CYYR1: variants seen among roughly 807,000 people sequenced by gnomAD.
CYYR1 encodes cysteine and tyrosine-rich protein 1.
CYYR1 carries 14 observed loss-of-function variants against 15.2 expected under a neutral mutation model. The ratio of observed to expected loss-of-function variants is 0.92; its 90% confidence interval spans 0.61 to 1.44. The LOEUF (loss-of-function observed/expected upper bound fraction) is 1.44. CYYR1 is among the 40% of genes most tolerant of loss of function. CYYR1 has a pLI of 0.00. For synonymous variants in CYYR1, 80 were observed against 77.4 expected, an observed-to-expected ratio of 1.03 and a Z score of -0.18; for missense variants, 228 against 209.5, an observed-to-expected ratio of 1.09 and a Z score of -0.54.
intron 2 of CYYR1, among the ~76,000 whole-genome samples, chr21:26,532,009 T>C (rs189951886): frequency 6.6e-6 from 1 of 152,220 alleles, no homozygotes; most frequent in East Asian, 1.9e-4. Flanking sequence ...GTGATGATGA[T>C]GAACAAGGTG....
At chr21:26,519,282 A>T (rs920113124) in intron 2 of CYYR1, among the ~76,000 whole-genome samples, 9 of 152,228 alleles carry the variant, frequency 5.9e-5, no homozygotes, top group African/African-American at 1.9e-4. Context: ...GTCAGAAGCT[A>T]TAAAATTGTA....
chr21:26,524,637 C>G (rs2065842199), intron 2 of CYYR1, among the ~76,000 whole-genome samples: 1 of 147,748 alleles, frequency 6.8e-6, no homozygotes, highest in Non-Finnish European at 1.5e-5. Flanking sequence ...TTAGTAATGT[C>G]TTGCCCTTCT....
At chr21:26,504,014 A>G (rs1601762760) in intron 2 of CYYR1, among the ~76,000 whole-genome samples, 1 of 152,180 alleles carries the variant, frequency 6.6e-6, no homozygotes, top group African/African-American at 2.4e-5. Context: ...CAGAAATTCA[A>G]TAAATGGCAT....
At chr21:26,514,059 A>G (rs1324522468) in intron 2 of CYYR1, among the ~76,000 whole-genome samples, 1 of 84,020 alleles carries the variant, frequency 1.2e-5, no homozygotes, top group Non-Finnish European at 2.3e-5. Flanking sequence ...AACTTGAAGT[A>G]TAATAATAAA....
intron 2 of CYYR1, among the ~76,000 whole-genome samples, chr21:26,545,311 TA>T (rs34664372): frequency 0.81 from 123,622 of 152,032 alleles, 50,413 homozygotes; most frequent in South Asian, 0.9. Context: ...GTGGCTGACT[TA>T]AGTCATTTTG....
intron 3 of CYYR1, among the ~76,000 whole-genome samples, chr21:26,470,352 G>GT (rs1429072952): frequency 1.3e-5 from 2 of 152,144 alleles, no homozygotes; most frequent in Non-Finnish European, 2.9e-5. Context: ...AAAAAACTAT[G>GT]TTTTTGATAT....
chr21:26,488,230 A>G (rs112670798), intron 2 of CYYR1, among the ~76,000 whole-genome samples: 1,524 of 137,154 alleles, frequency 0.011, 28 homozygotes, highest in African/African-American at 0.039. Context: ...TAAAGACTAC[A>G]TCTTCCCCTA....
At chr21:26,538,063 C>T (rs879572610) in intron 2 of CYYR1, among the ~76,000 whole-genome samples, 2 of 152,314 alleles carry the variant, frequency 1.3e-5, no homozygotes, top group African/African-American at 2.4e-5. Context: ...GAGTAGCGAT[C>T]ACCACGGAGA....
At chr21:26,480,486 T>C in intron 2 of CYYR1, 57 bp from the exon 3 acceptor site, 3 of 1,517,554 alleles carry the variant, frequency 2.0e-6, no homozygotes, top group Non-Finnish European at 2.7e-6. Flanking sequence ...CTTTAGACTT[T>C]CTAGTAGAGC....
intron 2 of CYYR1, among the ~76,000 whole-genome samples, chr21:26,512,637 C>T (rs190510204): frequency 6.6e-6 from 1 of 152,168 alleles, no homozygotes; most frequent in Non-Finnish European, 1.5e-5. Flanking sequence ...AGAAGAGTAA[C>T]ATTTTGTGAA....
At chr21:26,488,982 C>A (rs2123434075) in intron 2 of CYYR1, among the ~76,000 whole-genome samples, 1 of 152,252 alleles carries the variant, frequency 6.6e-6, no homozygotes, top group Middle Eastern at 3.4e-3. Flanking sequence ...CCAACCTAAT[C>A]TTACCTAATA....
rs1311140413 is a variant in CYYR1, at chr21:26,573,070, C to G, written c.-130G>C. 5.8e-6 allele frequency: 9 copies of G among 1,556,522 alleles called. No homozygotes were observed. The African/African-American group carries it at 1.1e-4, about 19-fold the overall frequency. On this transcript the variant is annotated 5_prime_UTR_variant, in exon 1 of 4. Transcript: ENST00000652641. ...GGGTGGAGCAGAGACCCGGCCATTG[C>G]CTAGGGAGCCTTCCAAGGGAGCCCG...
chr21:26,570,523 TAATATCAAC>T (rs1172337911), intron 1 of CYYR1, among the ~76,000 whole-genome samples: 4 of 152,196 alleles, frequency 2.6e-5, no homozygotes, highest in African/African-American at 9.7e-5. Flanking sequence ...AGTCAGACAA[TAATATCAAC>T]ACTTCACTGG....
chr21:26,547,258 AGTT>A (rs1173399315), intron 2 of CYYR1, among the ~76,000 whole-genome samples: 1 of 152,056 alleles, frequency 6.6e-6, no homozygotes, highest in Non-Finnish European at 1.5e-5. Context: ...CACAGAATGA[AGTT>A]GTTCCCAGAA....
intron 2 of CYYR1, chr21:26,482,387 T>C (rs1393685974): frequency 1.0e-6 from 1 of 985,238 alleles, no homozygotes; most frequent in Non-Finnish European, 1.2e-6. Flanking sequence ...TACTCAAACA[T>C]AGTAAAATAG....
rs2064981079 is a variant in CYYR1, at chr21:26,467,425, A to G, written c.*1076T>C. The G allele has an allele frequency of 6.6e-6, 1 of 152,196 alleles. No homozygotes were observed. The highest frequency in any genetic ancestry group is 1.5e-5 in the Non-Finnish European group (1 of 68,030). The allele number at this position is 152,196 out of a possible 1,614,324, so 9.4% of individuals were successfully genotyped here. A position where few individuals can be genotyped will look rare whatever the true frequency, so the allele number is the denominator to read the frequency against. On this transcript the variant is annotated 3_prime_UTR_variant, in exon 4 of 4. Transcript: ENST00000652641. The stretch of plus-strand genomic sequence containing the variant: ...ATTATCAAAATTTTACGAAGAAGAA[A>G]AAAATAATAGTTTTAAGGAAATCTA...
intron 2 of CYYR1, 115 bp from the exon 3 acceptor site, chr21:26,480,544 A>ATG (rs2065163919): frequency 9.0e-7 from 1 of 1,115,610 alleles, no homozygotes; most frequent in Middle Eastern, 2.2e-4. Flanking sequence ...CTTAAGGATA[A>ATG]TGTGTGTGTG....
intron 2 of CYYR1, among the ~76,000 whole-genome samples, chr21:26,538,366 G>T (rs559239370): frequency 6.6e-6 from 1 of 152,104 alleles, no homozygotes; most frequent in African/African-American, 2.4e-5. Flanking sequence ...CCAATTATCT[G>T]TTGATTTTTT....
chr21:26,552,871 A>T (rs1184292471), intron 2 of CYYR1, among the ~76,000 whole-genome samples: 1 of 152,122 alleles, frequency 6.6e-6, no homozygotes. Flanking sequence ...TAAATAGTCG[A>T]TTGCATTTTA....
Sources: allele counts gnomAD v4.1 joint callset (sites outside exome capture counted in the v4.1 genomes callset), GRCh38; gene constraint gnomAD v4.1.1; transcripts MANE v1.5; gene names NCBI Gene and HGNC (gene_info 2026-07-23, HGNC 2026-07-21).